The following DYRK3 variants were observed in gnomAD, a reference collection of about 807,000 sequenced individuals.
The protein encoded by DYRK3 is dual specificity tyrosine-phosphorylation-regulated kinase 3.
In DYRK3, 30 loss-of-function variants were observed where a neutral mutation model predicts 40.8. That is an observed-to-expected ratio of 0.74 (90% CI 0.55 to 1.00). The LOEUF is 1.00. Among genes scored for constraint, DYRK3 ranks in the 50% least tolerant of loss-of-function variants. The pLI is 0.00. For missense variants in DYRK3, 699 were observed against 731.5 expected (o/e 0.96, Z 0.51); for synonymous variants, 272 against 260.7 (o/e 1.04, Z -0.42).
In DYRK3 at chr1:206,648,003, A is replaced by G; in HGVS notation, c.805A>G (p.Met269Val). 3 of 1,614,222 alleles carry G rather than the reference A, an allele frequency of 1.9e-6. No individual in the cohort carries two copies. Among genetic ancestry groups the G allele is most frequent in the Non-Finnish European group, 2.5e-6 (3 of 1,180,032 alleles). ...HLKKQDKTGS[M>V]NVIHMLESFT... ...TAAGAAACAGGATAAAACTGGTAGTATGAACGTTATCCACATGCTGGAAAG... is the reference window on the plus strand; with the variant it reads ...TAAGAAACAGGATAAAACTGGTAGTGTGAACGTTATCCACATGCTGGAAAG... The change falls in exon 3 of 3, where the codon ATG becomes GTG. Residue 269 changes from methionine to valine, a missense_variant. Transcript: ENST00000367109.
Position 206,654,786 on chromosome 1 carries a change from TGAAGA to T in DYRK3, c.*5822_*5826del, listed in dbSNP as rs1397723005. 6.6e-6 allele frequency among the ~76,000 whole-genome samples: 1 copy of T among 152,226 alleles called. No homozygotes were observed. The highest frequency in any genetic ancestry group is 2.4e-5 in the African/African-American group (1 of 41,464). On this transcript the variant is annotated 3_prime_UTR_variant, in exon 3 of 3. Coordinates refer to ENST00000367109, the MANE Select transcript of DYRK3 (RefSeq NM_003582.4). ...AACTACAAATGCATCGTCTAGACTTTGAAGAAGCAGGGTATGATTCTTAATATAGC... is the reference window on the plus strand; with the variant it reads ...AACTACAAATGCATCGTCTAGACTTTAGCAGGGTATGATTCTTAATATAGC...
At position 206,650,647 on chromosome 1, in the gene DYRK3, A is replaced by G. The variant is rs186127746; in HGVS notation, c.*1682A>G. Reference sequence around the variant, plus strand: ...ATTTATTATTCTAGAATGTGGTGCAAACTCAATGACATTGGAAGAGACTCT... The same window carrying G: ...ATTTATTATTCTAGAATGTGGTGCAGACTCAATGACATTGGAAGAGACTCT... On this transcript the variant is annotated 3_prime_UTR_variant, in exon 3 of 3. Transcript: ENST00000367109. 6.6e-6 allele frequency among the ~76,000 whole-genome samples: 1 copy of G among 152,320 alleles called. No individual in the cohort carries two copies. The highest frequency in any genetic ancestry group is 1.9e-4 in the East Asian group (1 of 5,186).
Position 206,654,509 on chromosome 1 carries a change from T to C in DYRK3, c.*5544T>C, listed in dbSNP as rs1671703895. ...GATTAGCCTCCTAGTTTTAAATATA[T>C]TTTTAATATCCCCATTTTAACATAC... On this transcript the variant is annotated 3_prime_UTR_variant, in exon 3 of 3. Transcript: ENST00000367109. Among the ~76,000 whole-genome samples the C allele has an allele frequency of 6.6e-6, 1 of 152,222 alleles. No homozygotes were observed. The highest frequency in any genetic ancestry group is 1.5e-5 in the Non-Finnish European group (1 of 68,038).
Position 206,653,333 on chromosome 1 carries a change from A to G in DYRK3, c.*4368A>G, listed in dbSNP as rs1572455209. On this transcript the variant is annotated 3_prime_UTR_variant, in exon 3 of 3. Transcript: ENST00000367109. ...GTGCCCAGCCTCATTTTTTCTTTCA[A>G]TATGGAAAATTGGCTAATCCACCTA... 1.3e-5 allele frequency among the ~76,000 whole-genome samples: 2 copies of G among 152,188 alleles called. No homozygotes were observed. The highest frequency in any genetic ancestry group is 2.9e-5 in the Non-Finnish European group (2 of 67,996).
In DYRK3 at chr1:206,647,506, A is replaced by G; in HGVS notation, c.308A>G (p.Asp103Gly). 6.2e-7 allele frequency: 1 copy of G among 1,614,174 alleles called. No homozygotes were observed. Reference sequence around the variant, plus strand: ...AGAAAATCCAATACTATTCAGTCAGATGGCATCAGTGACTCTGAAAAATGC... The same window carrying G: ...AGAAAATCCAATACTATTCAGTCAGGTGGCATCAGTGACTCTGAAAAATGC... ...GNRKSNTIQS[D>G]GISDSEKCSP... is the part of the protein sequence containing the mutation. Residue 103 changes from aspartate (D) to glycine (G), a missense_variant, in exon 3 of 3, where the codon GAT becomes GGT. Physicochemically the swap from Asp to Gly is moderately conservative, Grantham distance 94 (BLOSUM62 -1). Coordinates refer to ENST00000367109, the MANE Select transcript of DYRK3 (RefSeq NM_003582.4).
chr1:206,646,997 G>A (rs1219437131), intron 2 of DYRK3, among the ~76,000 whole-genome samples: 1 of 152,152 alleles, frequency 6.6e-6, no homozygotes, highest in African/African-American at 2.4e-5. Flanking sequence ...ATTAGTATGG[G>A]CTTGGCATAG....
chr1:206,647,327 G>A (rs781967512), intron 2 of DYRK3, 61 bp from the exon 3 acceptor site: 47 of 1,468,902 alleles, frequency 3.2e-5, no homozygotes, highest in Non-Finnish European at 4.3e-5. Context: ...AGTTGGAGGA[G>A]GGAGGATTCT....
chr1:206,635,963 C>A, intron 1 of DYRK3, 183 bp downstream of exon 1: 1 of 1,336,262 alleles, frequency 7.5e-7, no homozygotes, highest in South Asian at 2.0e-5. Context: ...CCCCCCATCC[C>A]TGTCTCACCG....
chr1:206,649,073 CTT>C lies in DYRK3; in HGVS notation c.*114_*115del. On this transcript the variant is annotated 3_prime_UTR_variant, in exon 3 of 3. Coordinates refer to ENST00000367109, the MANE Select transcript of DYRK3 (RefSeq NM_003582.4). Reference sequence around the variant, plus strand: ...TGGTGGATGTTTTTGTTAGAGTAGACTTTTTTTAAACAAGACAAAACATTTTT... The same window carrying C: ...TGGTGGATGTTTTTGTTAGAGTAGACTTTTTAAACAAGACAAAACATTTTT... 8.1e-7 allele frequency: 1 copy of C among 1,227,574 alleles called. No individual in the cohort carries two copies. Among genetic ancestry groups the C allele is most frequent in the Non-Finnish European group, 1.1e-6 (1 of 902,736 alleles). 76.0% of individuals were successfully genotyped at this position (1,227,574 alleles called of 1,614,324 possible).
rs994174635 is a variant in DYRK3 at position 206,650,230 on chromosome 1, T to G, written c.*1265T>G. Among the ~76,000 whole-genome samples, 2 of 152,234 alleles carry G rather than the reference T, an allele frequency of 1.3e-5. No individual in the cohort carries two copies. Among genetic ancestry groups the G allele is most frequent in the East Asian group, 1.9e-4 (1 of 5,200 alleles). On this transcript the variant is annotated 3_prime_UTR_variant, in exon 3 of 3. Coordinates refer to ENST00000367109, the MANE Select transcript of DYRK3 (RefSeq NM_003582.4). ...TGTTTCCTGTCCCTTGCTCTATTTC[T>G]GTCCTCTTCCAGAACAAAAGTATGC...
rs1205959696 is a variant in DYRK3, at chr1:206,648,133, T to C, written c.935T>C (p.Val312Ala). 6.2e-7 allele frequency: 1 copy of C among 1,614,050 alleles called. No homozygotes were observed. Among genetic ancestry groups the C allele is most frequent in the African/African-American group, 1.3e-5 (1 of 74,932 alleles). Residue 312 changes from valine to alanine, a missense_variant, in exon 3 of 3, where the codon GTA becomes GCA. Physicochemically the swap from Val to Ala is moderately conservative, Grantham distance 64. Coordinates refer to ENST00000367109, the MANE Select transcript of DYRK3 (RefSeq NM_003582.4). The part of the protein sequence containing the change: ...NKFQGFSVQL[V>A]RKFAQSILQS... ...TTTCAGGGTTTTAGCGTCCAGTTGG[T>C]ACGCAAGTTTGCCCAGTCCATCTTG... is the stretch of plus-strand genomic sequence containing the variant.
At position 206,648,224 on chromosome 1, in the gene DYRK3, C is replaced by T. The variant is rs3813963; in HGVS notation, c.1026C>T (p.Leu342=). Residue 342 remains leucine, a synonymous_variant, in exon 3 of 3, where the codon CTC becomes CTT. Transcript: ENST00000367109. ...IHCDLKPENI[L]LKHHGRSSTK... The stretch of plus-strand genomic sequence containing the variant: ...GCGATCTGAAGCCAGAAAACATTCT[C>T]CTGAAACACCACGGGCGCAGTTCAA... The T allele has an allele frequency of 8.9e-3, 14,440 of 1,614,138 alleles. 72 individuals carry two copies. The highest frequency in any genetic ancestry group is 1.0e-2 in the Non-Finnish European group (11,749 of 1,180,028).
chr1:206,654,189 A>T lies in DYRK3; in HGVS notation c.*5224A>T, dbSNP rs1300591611. ...ATTATTTCTTTTCCATCTGTTATTGATGTCATCAACACGGAAGTTGGAAAG... is the reference window on the plus strand; with the variant it reads ...ATTATTTCTTTTCCATCTGTTATTGTTGTCATCAACACGGAAGTTGGAAAG... On this transcript the variant is annotated 3_prime_UTR_variant, in exon 3 of 3. Transcript: ENST00000367109. Among the ~76,000 whole-genome samples the T allele has an allele frequency of 6.6e-6, 1 of 152,198 alleles. No individual in the cohort carries two copies. Among genetic ancestry groups the T allele is most frequent in the African/African-American group, 2.4e-5 (1 of 41,450 alleles).
In DYRK3 at chr1:206,651,198, A is replaced by G. The variant is rs1671623744; in HGVS notation, c.*2233A>G. Among the ~76,000 whole-genome samples, 1 of 152,254 alleles carries G rather than the reference A, an allele frequency of 6.6e-6. No homozygotes were observed. The highest frequency in any genetic ancestry group is 2.4e-5 in the African/African-American group (1 of 41,546). On this transcript the variant is annotated 3_prime_UTR_variant, in exon 3 of 3. Transcript: ENST00000367109. ...TAACCCATCCTCCTCTTCTTTATTCATCACTGCCTTCTTCAAGGGAGGTCT... is the reference window on the plus strand; with the variant it reads ...TAACCCATCCTCCTCTTCTTTATTCGTCACTGCCTTCTTCAAGGGAGGTCT...
At position 206,640,650 on chromosome 1, in the gene DYRK3, A is replaced by G. The variant is rs369702250; in HGVS notation, c.189+2889A>G. On this transcript the variant is annotated intron_variant, in intron 2 of 2. Transcript: ENST00000367109. ...ATTGCAAGCTCCGCCTCCTGGGTTC[A>G]TGCCATTCTCCTGCCTCAGCCTCCC... 3.4e-5 allele frequency among the ~76,000 whole-genome samples: 5 copies of G among 148,296 alleles called. No homozygotes were observed. The South Asian group carries it at 8.4e-4, about 25-fold the overall frequency.
chr1:206,636,982 A>G lies in DYRK3; in HGVS notation c.78-668A>G, dbSNP rs781827998. 40 of 1,579,066 alleles carry G rather than the reference A, an allele frequency of 2.5e-5. No individual in the cohort carries two copies. In the South Asian group the frequency reaches 2.8e-4, roughly 11 times the overall value. On this transcript the variant is annotated intron_variant, in intron 1 of 2. Transcript: ENST00000367109. ...GTGGAAAGAGAAGTAAATTCAATAC[A>G]TTTTATAATTTAGAGCATCCTTTTA... is the stretch of plus-strand genomic sequence containing the variant.
In DYRK3 at chr1:206,637,526, G is replaced by GC. The variant is rs374663087; in HGVS notation, c.78-122dup. 3.1e-5 allele frequency: 20 copies of GC among 650,152 alleles called. 1 individual carries two copies. The highest frequency in any genetic ancestry group is 2.2e-4 in the African/African-American group (12 of 54,454). The allele number at this position is 650,152 out of a possible 1,614,324, so 40.3% of individuals were successfully genotyped here. On this transcript the variant is annotated intron_variant, in intron 1 of 2. Coordinates refer to ENST00000367109, the MANE Select transcript of DYRK3 (RefSeq NM_003582.4). ...AATACCCCAGTTGTTTGTATTCAGT[G>GC]CCAAAATGTAGTGTAGACATTTATT...
In DYRK3 at chr1:206,652,474, A is replaced by G. The variant is rs1047529707; in HGVS notation, c.*3509A>G. 3.9e-5 allele frequency among the ~76,000 whole-genome samples: 6 copies of G among 152,218 alleles called. No individual in the cohort carries two copies. Among genetic ancestry groups the G allele is most frequent in the Admixed American group, 1.3e-4 (2 of 15,280 alleles). On this transcript the variant is annotated 3_prime_UTR_variant, in exon 3 of 3. Coordinates refer to ENST00000367109, the MANE Select transcript of DYRK3 (RefSeq NM_003582.4). ...GGTTACTGAAACTGGGCTAAGGGAAAGTGTATAGACAACTCATTACACTGT... is the reference window on the plus strand; with the variant it reads ...GGTTACTGAAACTGGGCTAAGGGAAGGTGTATAGACAACTCATTACACTGT...
At chr1:206,647,340 C>T in intron 2 of DYRK3, 48 bp from the exon 3 acceptor site, 3 of 1,503,270 alleles carry the variant, frequency 2.0e-6, no homozygotes, top group South Asian at 2.8e-5. Flanking sequence ...AGGATTCTTC[C>T]ATCTTTCTAA....
Sources: allele counts gnomAD v4.1 joint callset (sites outside exome capture counted in the v4.1 genomes callset), GRCh38; gene constraint gnomAD v4.1.1; transcripts MANE v1.5; gene names NCBI Gene and HGNC (gene_info 2026-07-23, HGNC 2026-07-21).